ITGBL1: variants seen among roughly 807,000 people sequenced by gnomAD.
The protein encoded by ITGBL1 is integrin subunit beta like 1, also known as integrin beta-like protein 1.
Under a neutral mutation model 68.5 loss-of-function variants are expected in ITGBL1, and 51 were observed. That is an observed-to-expected ratio of 0.74 (90% CI 0.59 to 0.94). The LOEUF (loss-of-function observed/expected upper bound fraction) is 0.94. ITGBL1 is among the 40% of genes least tolerant of loss of function. The probability of loss-of-function intolerance (pLI) is 0.00; values close to 1 mark genes in which losing one functional copy is unlikely to be tolerated. For synonymous variants in ITGBL1, 209 were observed against 227.3 expected, an observed-to-expected ratio of 0.92 and a Z score of 0.72; for missense variants, 649 against 647.4, an observed-to-expected ratio of 1.00 and a Z score of -0.03.
At chr13:101,459,012 A>G (rs1408760380) in intron 2 of ITGBL1, among the ~76,000 whole-genome samples, 1 of 152,238 alleles carries the variant, frequency 6.6e-6, no homozygotes, top group African/African-American at 2.4e-5. Context: ...AAGATGAATT[A>G]AAACTCATGC....
intron 2 of ITGBL1, among the ~76,000 whole-genome samples, chr13:101,551,172 G>A (rs1184373282): frequency 1.3e-5 from 2 of 152,134 alleles, no homozygotes; most frequent in African/African-American, 2.4e-5. Flanking sequence ...AATGAGGTAA[G>A]GATTTAACAG....
At chr13:101,493,372 A>G (rs938056049) in intron 2 of ITGBL1, among the ~76,000 whole-genome samples, 1 of 152,132 alleles carries the variant, frequency 6.6e-6, no homozygotes, top group Non-Finnish European at 1.5e-5. Flanking sequence ...TTTCGATTAC[A>G]TAGTTTTAAT....
At chr13:101,650,030 T>A (rs974148056) in intron 7 of ITGBL1, among the ~76,000 whole-genome samples, 6 of 152,112 alleles carry the variant, frequency 3.9e-5, no homozygotes, top group Non-Finnish European at 7.4e-5. Flanking sequence ...GGATTTAGAG[T>A]AAGAATAAAA....
intron 7 of ITGBL1, among the ~76,000 whole-genome samples, chr13:101,653,151 A>G (rs928278859): frequency 6.7e-6 from 1 of 149,542 alleles, no homozygotes; most frequent in Non-Finnish European, 1.5e-5. Context: ...GAGGGGGAGG[A>G]GGAGGAGGAG....
chr13:101,539,371 A>G (rs1455190473), intron 2 of ITGBL1, among the ~76,000 whole-genome samples: 1 of 152,020 alleles, frequency 6.6e-6, no homozygotes, highest in Non-Finnish European at 1.5e-5. Context: ...GTCCCTACAA[A>G]GGACATGAAC....
chr13:101,699,375 T>A (rs189814891), intron 8 of ITGBL1, among the ~76,000 whole-genome samples: 4 of 152,186 alleles, frequency 2.6e-5, no homozygotes, highest in Admixed American at 2.6e-4. Flanking sequence ...TTGTTATGGT[T>A]TGGCTGTGTC....
chr13:101,470,879 G>C (rs2048447416), intron 2 of ITGBL1, among the ~76,000 whole-genome samples: 1 of 140,010 alleles, frequency 7.1e-6, no homozygotes, highest in African/African-American at 2.7e-5. Context: ...CATCCTTCTT[G>C]TGTGGTGTTA....
chr13:101,606,005 C>CAT, intron 7 of ITGBL1, among the ~76,000 whole-genome samples: 1 of 144,078 alleles, frequency 6.9e-6, no homozygotes, highest in Middle Eastern at 3.8e-3. Context: ...TATATATACA[C>CAT]ATATATATGT....
intron 7 of ITGBL1, among the ~76,000 whole-genome samples, chr13:101,641,752 C>G (rs1477499011): frequency 6.9e-6 from 1 of 144,596 alleles, no homozygotes; most frequent in African/African-American, 2.7e-5. Flanking sequence ...GTGATGTTCC[C>G]CTTCCTGTGT....
At chr13:101,712,843 C>T (rs562704712) in intron 9 of ITGBL1, 1 of 152,244 alleles carries the variant, frequency 6.6e-6, no homozygotes, top group African/African-American at 2.4e-5. Flanking sequence ...TCAGGAAATT[C>T]CTCACCTTGA....
At chr13:101,602,303 G>T (rs1395762864) in intron 7 of ITGBL1, among the ~76,000 whole-genome samples, 2 of 151,948 alleles carry the variant, frequency 1.3e-5, no homozygotes, top group Non-Finnish European at 2.9e-5. Flanking sequence ...TGTAGCCTCA[G>T]GTGTGTTCTT....
At chr13:101,480,225 C>T (rs2048598348) in intron 2 of ITGBL1, among the ~76,000 whole-genome samples, 1 of 151,982 alleles carries the variant, frequency 6.6e-6, no homozygotes, top group South Asian at 2.1e-4. Context: ...AACAAAAAGA[C>T]AGACTCTGCA....
chr13:101,548,939 A>T (rs2049874250), intron 2 of ITGBL1, among the ~76,000 whole-genome samples: 1 of 151,928 alleles, frequency 6.6e-6, no homozygotes, highest in Non-Finnish European at 1.5e-5. Context: ...ATAAAGGCTT[A>T]AAATGAAGAA....
At chr13:101,720,043 G>A (rs990180612), downstream of ITGBL1, 6 of 152,060 alleles carry the variant, frequency 3.9e-5, no homozygotes, top group African/African-American at 1.4e-4. Flanking sequence ...GTTGTTTGAT[G>A]TTTTTTAATA....
chr13:101,628,801 A>G (rs977909446), intron 7 of ITGBL1, among the ~76,000 whole-genome samples: 2 of 151,726 alleles, frequency 1.3e-5, no homozygotes, highest in Non-Finnish European at 2.9e-5. Flanking sequence ...TCTATTTTTC[A>G]TAAATGTTCT....
intron 2 of ITGBL1, among the ~76,000 whole-genome samples, chr13:101,486,587 G>T (rs946488783): frequency 6.6e-6 from 1 of 152,124 alleles, no homozygotes; most frequent in Non-Finnish European, 1.5e-5. Context: ...AGGTTACTGG[G>T]GAAATAAAGA....
chr13:101,562,586 G>A (rs2050117730), intron 2 of ITGBL1, among the ~76,000 whole-genome samples: 2 of 151,836 alleles, frequency 1.3e-5, no homozygotes, highest in Admixed American at 6.6e-5. Flanking sequence ...GATAAAGAGA[G>A]ATATTACACA....
At chr13:101,454,712 G>T (rs2048217927) in intron 2 of ITGBL1, among the ~76,000 whole-genome samples, 1 of 152,166 alleles carries the variant, frequency 6.6e-6, no homozygotes, top group Non-Finnish European at 1.5e-5. Flanking sequence ...AGGGAGGCAG[G>T]TTTTGTCTTT....
chr13:101,573,659 T>C (rs1381821792), intron 3 of ITGBL1, among the ~76,000 whole-genome samples: 3 of 152,158 alleles, frequency 2.0e-5, no homozygotes, highest in Non-Finnish European at 4.4e-5. Flanking sequence ...AAGCAGAGAT[T>C]ATTTGCAGAT....
Sources: gnomAD v4.1 joint callset for allele counts (sites outside exome capture counted in the v4.1 genomes callset) on GRCh38, gnomAD v4.1.1 for gene constraint, MANE v1.5 for transcripts, NCBI Gene and HGNC (gene_info 2026-07-23, HGNC 2026-07-21) for gene names.